The following COL4A1 variants were observed in gnomAD, a reference collection of about 807,000 sequenced individuals.
COL4A1 encodes the protein collagen alpha-1(IV) chain.
COL4A1 carries 40 observed loss-of-function variants against 216.6 expected under a neutral mutation model. That is an observed-to-expected ratio of 0.18 (90% confidence interval 0.14 to 0.24). The LOEUF is 0.24. COL4A1 is among the 10% of genes least tolerant of loss of function. The pLI is 1.00. For missense variants in COL4A1, 1,628 were observed against 2,196.8 expected, an observed-to-expected ratio of 0.74 and a Z score of 5.18; for synonymous variants, 839 against 810.7, an observed-to-expected ratio of 1.03 and a Z score of -0.59.
chr13:110,216,573 C>T (rs564805920), intron 2 of COL4A1, among the ~76,000 whole-genome samples: 8 of 152,200 alleles, frequency 5.3e-5, no homozygotes, highest in African/African-American at 1.9e-4. Context: ...GCCATGAGAC[C>T]AGCGATGATA....
chr13:110,274,034 C>T (rs1883345966), intron 1 of COL4A1, among the ~76,000 whole-genome samples: 1 of 152,132 alleles, frequency 6.6e-6, no homozygotes, highest in African/African-American at 2.4e-5. Flanking sequence ...TACAGCGTTA[C>T]TACTGTATTG....
chr13:110,196,998 A>G (rs1878925545), intron 21 of COL4A1, among the ~76,000 whole-genome samples: 1 of 152,256 alleles, frequency 6.6e-6, no homozygotes, highest in Non-Finnish European at 1.5e-5. Context: ...AACCTGGAAT[A>G]GTAAATATTA....
At chr13:110,176,605 G>C (rs548369370) in intron 35 of COL4A1, 21 bp downstream of exon 35, 1 of 1,608,526 alleles carries the variant, frequency 6.2e-7, no homozygotes, top group Non-Finnish European at 8.5e-7. Flanking sequence ...CCACACTGGG[G>C]ACCGGAGCTC....
At chr13:110,237,576 C>T (rs1358851073) in intron 2 of COL4A1, among the ~76,000 whole-genome samples, 1 of 152,160 alleles carries the variant, frequency 6.6e-6, no homozygotes, top group Non-Finnish European at 1.5e-5. Flanking sequence ...GGAAAAAGCC[C>T]GGGCTGGTTG....
intron 26 of COL4A1, 108 bp from the exon 27 acceptor site, chr13:110,183,384 C>T (rs1416405101): frequency 4.9e-6 from 5 of 1,020,526 alleles, no homozygotes; most frequent in South Asian, 4.1e-5. Flanking sequence ...CCCAGCACCA[C>T]GAGTGCCCGG....
chr13:110,196,017 A>G (rs12873869), intron 21 of COL4A1, among the ~76,000 whole-genome samples: 40,094 of 152,130 alleles, frequency 0.26, 5,498 homozygotes, highest in Admixed American at 0.32. Flanking sequence ...GGGCTTGAAT[A>G]TATTAACCAA....
intron 30 of COL4A1, 66 bp downstream of exon 30, chr13:110,179,205 T>G (rs1878030272): frequency 1.2e-6 from 2 of 1,600,502 alleles, no homozygotes; most frequent in East Asian, 4.5e-5. Flanking sequence ...CGGTAGGGGC[T>G]CTGGGAATGC....
chr13:110,170,768 G>A (rs140135436), intron 41 of COL4A1, 36 bp from the exon 42 acceptor site: 25 of 1,607,798 alleles, frequency 1.6e-5, no homozygotes, highest in African/African-American at 1.3e-4. Flanking sequence ...GATGGGAAAC[G>A]CAGCAGCAGA....
chr13:110,165,105 TA>T (rs1246006121), intron 45 of COL4A1, 115 bp from the exon 46 acceptor site: 1 of 1,458,332 alleles, frequency 6.9e-7, no homozygotes, highest in Non-Finnish European at 9.2e-7. Context: ...TTCTCAAAGG[TA>T]AAGTCATTAT....
In COL4A1 at chr13:110,209,566, C is replaced by T. The variant is rs13378448; in HGVS notation, c.616-139G>A. 594 of 719,042 alleles carry T rather than the reference C, an allele frequency of 8.3e-4. 5 individuals are homozygous for T. The African/African-American group carries it at 8.7e-3, about 11-fold the overall frequency. 44.5% of individuals were successfully genotyped at this position (719,042 alleles called of 1,614,324 possible). On this transcript the variant is annotated intron_variant, in intron 10 of 51. Coordinates refer to ENST00000375820, the MANE Select transcript of COL4A1 (RefSeq NM_001845.6). ...GAAATATTTTTCCTGGGCTTCCCCT[C>T]CCTCCCCACTCCTAGCAGGTGCAGG...
chr13:110,251,559 T>C (rs1038363753), intron 1 of COL4A1, among the ~76,000 whole-genome samples: 4 of 152,166 alleles, frequency 2.6e-5, no homozygotes, highest in Non-Finnish European at 5.9e-5. Flanking sequence ...AAGGTGAAAT[T>C]ACAATAAAAC....
At chr13:110,258,516 G>C (rs1248047290) in intron 1 of COL4A1, among the ~76,000 whole-genome samples, 1 of 151,970 alleles carries the variant, frequency 6.6e-6, no homozygotes, top group Admixed American at 6.6e-5. Context: ...CACCAGCCTG[G>C]GTGACAGAGT....
At chr13:110,216,456 G>A (rs776364699) in intron 2 of COL4A1, among the ~76,000 whole-genome samples, 28 of 152,184 alleles carry the variant, frequency 1.8e-4, no homozygotes, top group Non-Finnish European at 3.7e-4. Flanking sequence ...GTAGCCCCAA[G>A]TAACCCAACA....
intron 4 of COL4A1, 39 bp downstream of exon 4, chr13:110,213,743 C>G (rs182145782): frequency 6.2e-7 from 1 of 1,606,544 alleles, no homozygotes; most frequent in Non-Finnish European, 8.5e-7. Context: ...GCCTGTCCCA[C>G]GCATGGAATC....
At chr13:110,173,213 C>T (rs962437959) in intron 40 of COL4A1, among the ~76,000 whole-genome samples, 2 of 151,786 alleles carry the variant, frequency 1.3e-5, no homozygotes, top group Non-Finnish European at 2.9e-5. Flanking sequence ...GAAAGGAGTG[C>T]AGGGGTATTT....
Position 110,242,783 on chromosome 13 carries a change from AG to A in COL4A1, c.85-50del, listed in dbSNP as rs534942319. 2.4e-4 allele frequency: 389 copies of A among 1,594,100 alleles called. 4 individuals are homozygous for A. The South Asian group carries it at 4.0e-3, about 16-fold the overall frequency. On this transcript the variant is annotated intron_variant, in intron 1 of 51. Coordinates refer to ENST00000375820, the MANE Select transcript of COL4A1 (RefSeq NM_001845.6). The stretch of plus-strand genomic sequence containing the variant: ...TAAATAGAAGAACACTTTCAAAGCG[AG>A]GGCACTATGCAAATGGAGATGGTTC...
intron 1 of COL4A1, among the ~76,000 whole-genome samples, chr13:110,245,647 A>G (rs1214711334): frequency 6.6e-6 from 1 of 152,198 alleles, no homozygotes; most frequent in African/African-American, 2.4e-5. Context: ...TCTTTCTGCA[A>G]TTTGAGGGAG....
chr13:110,198,377 TG>T, intron 21 of COL4A1, 89 bp downstream of exon 21: 1 of 1,419,662 alleles, frequency 7.0e-7, no homozygotes, highest in South Asian at 1.2e-5. Flanking sequence ...ACTCTGGCTG[TG>T]GGGGACTATC....
At position 110,247,691 on chromosome 13, in the gene COL4A1, G is replaced by A. The variant is rs575161705; in HGVS notation, c.85-4957C>T. ...AGGGCGCTCTTCTCAAGATTACAGT[G>A]AATTCCATTCCAGAGGATGCAAAAA... On this transcript the variant is annotated intron_variant, in intron 1 of 51. Transcript: ENST00000375820. 4.6e-5 allele frequency among the ~76,000 whole-genome samples: 7 copies of A among 151,750 alleles called. No homozygotes were observed. In the East Asian group the frequency reaches 1.4e-3, roughly 29 times the overall value.
Sources: allele counts gnomAD v4.1 joint callset (sites outside exome capture counted in the v4.1 genomes callset), GRCh38; gene constraint gnomAD v4.1.1; transcripts MANE v1.5; gene names NCBI Gene and HGNC (gene_info 2026-07-23, HGNC 2026-07-21).